The following SLC22A3 variants were observed in gnomAD, a reference collection of about 807,000 sequenced individuals.
SLC22A3 encodes solute carrier family 22 member 3, also known as EMT organic cation transporter 3.
A neutral mutation model predicts 59.1 loss-of-function variants in SLC22A3; 51 were observed. The observed-to-expected ratio is 0.86, with a 90% CI of 0.69 to 1.09. SLC22A3 has a LOEUF of 1.09. Ranked by LOEUF, SLC22A3 falls within the 50% of genes least tolerant of loss-of-function variation. SLC22A3 has a pLI of 0.00. For missense variants in SLC22A3, 711 were observed against 726.3 expected (o/e 0.98, Z 0.24); for synonymous variants, 325 against 292.0 (o/e 1.11, Z -1.15).
At chr6:160,400,131 G>A (rs555505541) in intron 2 of SLC22A3, among the ~76,000 whole-genome samples, 3 of 140,020 alleles carry the variant, frequency 2.1e-5, no homozygotes, top group Non-Finnish European at 3.0e-5. Flanking sequence ...GCTCTACAAG[G>A]TTCCAAAGGT....
chr6:160,431,733 G>A (rs1788157073), intron 5 of SLC22A3, among the ~76,000 whole-genome samples: 1 of 151,532 alleles, frequency 6.6e-6, no homozygotes, highest in Non-Finnish European at 1.5e-5. Context: ...TTAACTATTT[G>A]CTAAAAAAAA....
chr6:160,379,749 T>C (rs1785727355), intron 1 of SLC22A3, among the ~76,000 whole-genome samples: 1 of 152,234 alleles, frequency 6.6e-6, no homozygotes, highest in Non-Finnish European at 1.5e-5. Context: ...TTTCATTTCT[T>C]ACCTGTGCTC....
intron 1 of SLC22A3, among the ~76,000 whole-genome samples, chr6:160,351,155 G>A (rs1287688800): frequency 1.3e-5 from 2 of 152,068 alleles, no homozygotes; most frequent in East Asian, 1.9e-4. Flanking sequence ...TCTCTCTGTC[G>A]CCCAGGCTGG....
intron 7 of SLC22A3, 86 bp from the exon 8 acceptor site, chr6:160,442,675 A>T (rs556073453): frequency 1.3e-4 from 133 of 996,498 alleles, no homozygotes; most frequent in Non-Finnish European, 2.0e-4. Context: ...ACTGGAGGCC[A>T]CTAAGCAAAT....
chr6:160,363,154 G>A (rs1785080963), intron 1 of SLC22A3, among the ~76,000 whole-genome samples: 1 of 152,268 alleles, frequency 6.6e-6, no homozygotes, highest in Admixed American at 6.5e-5. Context: ...GGTCCGAGAA[G>A]AGGCTGGAAG....
At chr6:160,419,567 A>G (rs1168443310) in intron 5 of SLC22A3, among the ~76,000 whole-genome samples, 1 of 152,222 alleles carries the variant, frequency 6.6e-6, no homozygotes, top group Non-Finnish European at 1.5e-5. Context: ...CCAGTGTTGG[A>G]ATGAGAAAGA....
chr6:160,427,004 T>G lies in SLC22A3; in HGVS notation c.976-9776T>G, dbSNP rs76285105. 6.2e-4 allele frequency among the ~76,000 whole-genome samples: 95 copies of G among 152,260 alleles called. No individual in the cohort carries two copies. In the East Asian group the frequency reaches 0.015, roughly 24 times the overall value. Reference sequence around the variant, plus strand: ...CTCAGTGCTTTAAGTTGCACATCTCTAGTTACTGGAGATTCTTTGTACCTT... The same window carrying G: ...CTCAGTGCTTTAAGTTGCACATCTCGAGTTACTGGAGATTCTTTGTACCTT... On this transcript the variant is annotated intron_variant, in intron 5 of 10. Transcript: ENST00000275300.
At chr6:160,369,868 GTTTC>G (rs1785339764) in intron 1 of SLC22A3, among the ~76,000 whole-genome samples, 1 of 152,208 alleles carries the variant, frequency 6.6e-6, no homozygotes. Flanking sequence ...AAGAAGGAGT[GTTTC>G]TTTCTGCTCC....
intron 1 of SLC22A3, among the ~76,000 whole-genome samples, chr6:160,372,149 G>T (rs927172771): frequency 6.6e-6 from 1 of 151,994 alleles, no homozygotes; most frequent in Admixed American, 6.6e-5. Flanking sequence ...TTATGAATCT[G>T]GGTACTCTTG....
At chr6:160,426,443 C>T in intron 5 of SLC22A3, 2 of 771,238 alleles carry the variant, frequency 2.6e-6, no homozygotes, top group Non-Finnish European at 3.2e-6. Context: ...ATTTTCTTCT[C>T]CCTTTCCTCC....
At chr6:160,355,490 G>A (rs534629513) in intron 1 of SLC22A3, among the ~76,000 whole-genome samples, 11 of 151,990 alleles carry the variant, frequency 7.2e-5, no homozygotes, top group Non-Finnish European at 1.2e-4. Flanking sequence ...GGCCGGGCAC[G>A]GTGGCTCACA....
intron 5 of SLC22A3, among the ~76,000 whole-genome samples, chr6:160,420,382 A>G (rs1378560827): frequency 6.6e-6 from 1 of 152,218 alleles, no homozygotes; most frequent in Non-Finnish European, 1.5e-5. Flanking sequence ...TTCCTCTGGG[A>G]AAATAAATCA....
chr6:160,399,798 A>C (rs540980991), intron 2 of SLC22A3, among the ~76,000 whole-genome samples: 1 of 152,306 alleles, frequency 6.6e-6, no homozygotes, highest in Non-Finnish European at 1.5e-5. Context: ...ACAACAAGTA[A>C]AATGCTGAAC....
At chr6:160,409,274 T>C (rs1350460862) in intron 4 of SLC22A3, among the ~76,000 whole-genome samples, 1 of 97,864 alleles carries the variant, frequency 1.0e-5, no homozygotes, top group Non-Finnish European at 2.0e-5. Flanking sequence ...ATGCGGTGTT[T>C]GGTTTTTTGT....
intron 2 of SLC22A3, among the ~76,000 whole-genome samples, chr6:160,402,950 A>G (rs944785039): frequency 6.6e-6 from 1 of 151,812 alleles, no homozygotes; most frequent in African/African-American, 2.4e-5. Context: ...GGAAATATAT[A>G]AAATCAATAA....
chr6:160,383,129 G>T (rs908423594), intron 1 of SLC22A3, among the ~76,000 whole-genome samples: 8 of 152,166 alleles, frequency 5.3e-5, no homozygotes, highest in African/African-American at 1.4e-4. Flanking sequence ...ACTATGCCAG[G>T]AACACTCATT....
At chr6:160,404,987 C>G (rs1786951147) in intron 2 of SLC22A3, among the ~76,000 whole-genome samples, 1 of 151,086 alleles carries the variant, frequency 6.6e-6, no homozygotes, top group South Asian at 2.1e-4. Flanking sequence ...GGAAAAAAAT[C>G]TAGATGACCT....
chr6:160,354,073 TTGGTAAAC>T (rs1784749301), intron 1 of SLC22A3, among the ~76,000 whole-genome samples: 1 of 152,192 alleles, frequency 6.6e-6, no homozygotes, highest in African/African-American at 2.4e-5. Context: ...TCTGGGAGTC[TTGGTAAAC>T]CTTAGAAAGG....
At chr6:160,446,837 C>A (rs773265825) in intron 9 of SLC22A3, among the ~76,000 whole-genome samples, 15 of 152,258 alleles carry the variant, frequency 9.9e-5, no homozygotes. Flanking sequence ...ATTACCTGTG[C>A]TCCTGAGATT....
Sources: gnomAD v4.1 joint callset for allele counts (sites outside exome capture counted in the v4.1 genomes callset) on GRCh38, gnomAD v4.1.1 for gene constraint, MANE v1.5 for transcripts, NCBI Gene and HGNC (gene_info 2026-07-23, HGNC 2026-07-21) for gene names.